SEPTIN10: variants seen among roughly 807,000 people sequenced by gnomAD.
SEPTIN10 encodes the protein septin-10.
A neutral mutation model predicts 54.8 loss-of-function variants in SEPTIN10; 66 were observed. That is an observed-to-expected ratio of 1.21 (90% CI 0.99 to 1.48). The LOEUF (loss-of-function observed/expected upper bound fraction) is 1.48, where lower values mean the gene tolerates loss of function less well. Among genes scored for constraint, SEPTIN10 ranks in the 40% most tolerant of loss-of-function variants. The pLI is 0.00. For synonymous variants in SEPTIN10, 161 were observed against 181.0 expected (o/e 0.89, Z 0.89); for missense variants, 620 against 545.6 (o/e 1.14, Z -1.36).
intron 1 of SEPTIN10, among the ~76,000 whole-genome samples, chr2:109,601,106 C>T (rs1181573536): frequency 6.6e-6 from 1 of 152,204 alleles, no homozygotes; most frequent in Non-Finnish European, 1.5e-5. Flanking sequence ...CTCCATTATA[C>T]AGGCATGGTT....
At chr2:109,577,190 C>A (rs1689881525) in intron 4 of SEPTIN10, among the ~76,000 whole-genome samples, 2 of 152,136 alleles carry the variant, frequency 1.3e-5, no homozygotes, top group South Asian at 4.1e-4. Flanking sequence ...ACTGGCAACC[C>A]AGAATTGTAC....
rs1435294878 is a variant in SEPTIN10, at chr2:109,593,305, TAAGTA to T, written c.31-191_31-187del. Among the ~76,000 whole-genome samples, 3 of 152,096 alleles carry T rather than the reference TAAGTA, an allele frequency of 2.0e-5. No homozygotes were observed. In the East Asian group the frequency reaches 5.8e-4, roughly 29 times the overall value. ...CTTTCTTGCTGGATAGGTATCTACATAAGTAAATTACATATAATATTCAACATATA... is the reference window on the plus strand; with the variant it reads ...CTTTCTTGCTGGATAGGTATCTACATAATTACATATAATATTCAACATATA... On this transcript the variant is annotated intron_variant, in intron 1 of 10. Coordinates refer to ENST00000397712, the MANE Select transcript of SEPTIN10 (RefSeq NM_144710.5).
chr2:109,585,081 T>C lies in SEPTIN10; in HGVS notation c.413+45A>G, dbSNP rs756416768. The C allele has an allele frequency of 6.9e-6, 9 of 1,308,488 alleles. No homozygotes were observed. In the South Asian group the frequency reaches 1.5e-4, roughly 22 times the overall value. The allele number at this position is 1,308,488 out of a possible 1,614,324, so 81.1% of individuals were successfully genotyped here. A position where few individuals can be genotyped will look rare whatever the true frequency, so the allele number is the denominator to read the frequency against. On this transcript the variant is annotated intron_variant, in intron 4 of 10. Transcript: ENST00000397712. ...TTCATGGGGCTATAAGGCGAATGTC[T>C]TGAAATAAGAAAAACTTGTTTTATT...
chr2:109,566,712 G>A (rs930285546), intron 6 of SEPTIN10, among the ~76,000 whole-genome samples: 1 of 152,062 alleles, frequency 6.6e-6, no homozygotes, highest in Non-Finnish European at 1.5e-5. Flanking sequence ...ACATCAAGAA[G>A]AACAAGATTT....
intron 1 of SEPTIN10, among the ~76,000 whole-genome samples, chr2:109,603,883 C>T (rs981118399): frequency 9.9e-5 from 15 of 151,970 alleles, no homozygotes; most frequent in South Asian, 2.1e-4. Flanking sequence ...AATTTTAAGC[C>T]GGGCACGGTG....
chr2:109,592,574 G>A (rs1694315815), intron 2 of SEPTIN10, among the ~76,000 whole-genome samples: 1 of 151,964 alleles, frequency 6.6e-6, no homozygotes, highest in Non-Finnish European at 1.5e-5. Flanking sequence ...GAGGTCAGGA[G>A]TTCAAAACTA....
At chr2:109,570,571 C>G (rs531013811) in intron 5 of SEPTIN10, among the ~76,000 whole-genome samples, 10 of 151,282 alleles carry the variant, frequency 6.6e-5, no homozygotes, top group Middle Eastern at 3.4e-3. Flanking sequence ...GTTGCCCAGG[C>G]TGGAGTGCAG....
At chr2:109,596,410 G>A (rs1008930465) in intron 1 of SEPTIN10, among the ~76,000 whole-genome samples, 1 of 152,064 alleles carries the variant, frequency 6.6e-6, no homozygotes, top group Admixed American at 6.6e-5. Context: ...GAGGTCAGGA[G>A]ATCAAGACCA....
intron 1 of SEPTIN10, among the ~76,000 whole-genome samples, chr2:109,604,502 G>A (rs993561295): frequency 2.6e-5 from 4 of 151,470 alleles, no homozygotes; most frequent in African/African-American, 9.7e-5. Flanking sequence ...CGAGGCGGGT[G>A]GGATCACGAG....
At chr2:109,585,354 C>T (rs1181025003) in intron 3 of SEPTIN10, 33 bp from the exon 4 acceptor site, 4 of 1,504,512 alleles carry the variant, frequency 2.7e-6, no homozygotes, top group Admixed American at 2.1e-5. Flanking sequence ...TTTATGGTTG[C>T]ATGAATGGCT....
At chr2:109,566,816 G>A (rs1018624685) in intron 6 of SEPTIN10, among the ~76,000 whole-genome samples, 3 of 152,148 alleles carry the variant, frequency 2.0e-5, no homozygotes, top group Admixed American at 1.3e-4. Flanking sequence ...GAGTAGACTG[G>A]TCTGTCTGAA....
chr2:109,610,336 T>C (rs1698978333), intron 1 of SEPTIN10, among the ~76,000 whole-genome samples: 1 of 151,994 alleles, frequency 6.6e-6, no homozygotes. Flanking sequence ...GATCCATCCA[T>C]CTGGGCCTCC....
In SEPTIN10 at chr2:109,582,520, C is replaced by T. The variant is rs114084301; in HGVS notation, c.413+2606G>A. Reference sequence around the variant, plus strand: ...AATTTTTTGTAGAGACGAGGTCCCACCATGTTGCCCAGGCTAGTCTCAAGA... The same window carrying T: ...AATTTTTTGTAGAGACGAGGTCCCATCATGTTGCCCAGGCTAGTCTCAAGA... On this transcript the variant is annotated intron_variant, in intron 4 of 10. Transcript: ENST00000397712. 5.0e-3 allele frequency among the ~76,000 whole-genome samples: 760 copies of T among 152,188 alleles called. 6 individuals are homozygous for T. Among genetic ancestry groups the T allele is most frequent in the African/African-American group, 0.018 (727 of 41,526 alleles).
intron 8 of SEPTIN10, among the ~76,000 whole-genome samples, chr2:109,554,417 T>C (rs72938243): frequency 0.018 from 2,722 of 152,306 alleles, 74 homozygotes; most frequent in African/African-American, 0.061. Flanking sequence ...TCCAACCTGC[T>C]TACTCCAGTT....
chr2:109,566,994 A>G (rs577635722), intron 6 of SEPTIN10, among the ~76,000 whole-genome samples: 1 of 152,334 alleles, frequency 6.6e-6, no homozygotes, highest in Admixed American at 6.5e-5. Flanking sequence ...AGGAATTAAG[A>G]TCACCTCATT....
intron 8 of SEPTIN10, among the ~76,000 whole-genome samples, chr2:109,555,683 A>G (rs952579442): frequency 6.6e-6 from 1 of 152,202 alleles, no homozygotes; most frequent in Non-Finnish European, 1.5e-5. Flanking sequence ...CCTGTTAGCA[A>G]TAATATGAAC....
intron 1 of SEPTIN10, among the ~76,000 whole-genome samples, chr2:109,595,431 C>A (rs1220726933): frequency 6.6e-6 from 1 of 152,160 alleles, no homozygotes; most frequent in Non-Finnish European, 1.5e-5. Flanking sequence ...CCCTGCCATT[C>A]TGAAAGGCCC....
At chr2:109,565,605 C>T (rs894308382) in intron 7 of SEPTIN10, among the ~76,000 whole-genome samples, 158 bp downstream of exon 7, 3 of 151,970 alleles carry the variant, frequency 2.0e-5, no homozygotes. Context: ...AAGTGGGAGG[C>T]TCTACACGGC....
chr2:109,598,497 A>G (rs932979801), intron 1 of SEPTIN10, among the ~76,000 whole-genome samples: 2 of 152,166 alleles, frequency 1.3e-5, no homozygotes. Flanking sequence ...ATTCTTTAGG[A>G]TAATGTGAGC....
Sources: gnomAD v4.1 joint callset for allele counts (sites outside exome capture counted in the v4.1 genomes callset) on GRCh38, gnomAD v4.1.1 for gene constraint, MANE v1.5 for transcripts, NCBI Gene and HGNC (gene_info 2026-07-23, HGNC 2026-07-21) for gene names.